Variants in SPOPL observed in about 807,000 individuals in gnomAD.
SPOPL encodes speckle type BTB/POZ protein like.
A neutral mutation model predicts 53.8 loss-of-function variants in SPOPL; 23 were observed. The ratio of observed to expected loss-of-function variants is 0.43; its 90% CI spans 0.31 to 0.61. SPOPL has a LOEUF of 0.61. Ranked by LOEUF, SPOPL falls within the 20% of genes least tolerant of loss-of-function variation. The pLI is 0.12. For synonymous variants in SPOPL, 164 were observed against 149.7 expected, an observed-to-expected ratio of 1.10 and a Z score of -0.70; for missense variants, 442 against 466.9, an observed-to-expected ratio of 0.95 and a Z score of 0.49.
chr2:138,521,083 T>C (rs1186601138), intron 1 of SPOPL, among the ~76,000 whole-genome samples: 1 of 152,192 alleles, frequency 6.6e-6, no homozygotes, highest in Non-Finnish European at 1.5e-5. Flanking sequence ...ATCTTTAATA[T>C]GTTATGCTAT....
intron 1 of SPOPL, among the ~76,000 whole-genome samples, chr2:138,529,546 G>A (rs939066248): frequency 4.6e-5 from 7 of 151,452 alleles, no homozygotes; most frequent in African/African-American, 1.2e-4. Context: ...TTGCGTGCGC[G>A]CGCGCTTCTG....
rs193283004 is a variant in SPOPL, at chr2:138,569,139, A to T, written c.*59A>T. 7.7e-4 allele frequency: 1,204 copies of T among 1,559,714 alleles called. No homozygotes were observed. The highest frequency in any genetic ancestry group is 9.4e-4 in the Non-Finnish European group (1,070 of 1,141,104). On this transcript the variant is annotated 3_prime_UTR_variant, in exon 11 of 11. Transcript: ENST00000280098. ...CTTTCACTCCTCCAGGTCCAGAAGG[A>T]TTCTAATACACAAACCATAAGCAAG...
chr2:138,566,923 T>A (rs1449875251), intron 10 of SPOPL, among the ~76,000 whole-genome samples: 1 of 152,222 alleles, frequency 6.6e-6, no homozygotes, highest in Non-Finnish European at 1.5e-5. Context: ...AAAACACAAA[T>A]AGGAGTTAGC....
In SPOPL at chr2:138,555,503, C is replaced by G. The variant is rs192764844; in HGVS notation, c.480+2822C>G. On this transcript the variant is annotated intron_variant, in intron 5 of 10. Coordinates refer to ENST00000280098, the MANE Select transcript of SPOPL (RefSeq NM_001001664.3). Reference sequence around the variant, plus strand: ...CACCAATCTATGAAAATCAAAAAGTCTAAAACTCGCTATTCTGGAAGATAT... The same window carrying G: ...CACCAATCTATGAAAATCAAAAAGTGTAAAACTCGCTATTCTGGAAGATAT... Among the ~76,000 whole-genome samples the G allele has an allele frequency of 4.4e-4, 67 of 152,100 alleles. 3 individuals carry two copies. In the East Asian group the frequency reaches 0.012, roughly 28 times the overall value.
chr2:138,568,906 T>C (rs1030001668), intron 10 of SPOPL, 30 bp from the exon 11 acceptor site: 4 of 1,610,446 alleles, frequency 2.5e-6, no homozygotes, highest in Non-Finnish European at 3.4e-6. Flanking sequence ...AAGTATTCTT[T>C]AGTAAATATC....
chr2:138,565,983 C>G (rs1478426164), intron 10 of SPOPL, among the ~76,000 whole-genome samples: 2 of 152,144 alleles, frequency 1.3e-5, no homozygotes, highest in African/African-American at 2.4e-5. Flanking sequence ...ATCCGCCTGT[C>G]TTGGCCTCCC....
chr2:138,562,974 C>T (rs1048392112), intron 8 of SPOPL, among the ~76,000 whole-genome samples: 8 of 151,906 alleles, frequency 5.3e-5, no homozygotes, highest in Non-Finnish European at 8.8e-5. Context: ...TTCTTTTCTT[C>T]GAAAGACAGA....
At position 138,571,908 on chromosome 2, in the gene SPOPL, A is replaced by G. The variant is rs1685790742; in HGVS notation, c.*2828A>G. ...TTGGAGCACAAATAATGAAGGTGCCATAATATGGCTTGCCAATGTTACCTC... is the reference window on the plus strand; with the variant it reads ...TTGGAGCACAAATAATGAAGGTGCCGTAATATGGCTTGCCAATGTTACCTC... On this transcript the variant is annotated 3_prime_UTR_variant, in exon 11 of 11. Coordinates refer to ENST00000280098, the MANE Select transcript of SPOPL (RefSeq NM_001001664.3). The G allele has an allele frequency of 6.6e-6, 1 of 152,644 alleles. No homozygotes were observed. Among genetic ancestry groups the G allele is most frequent in the Non-Finnish European group, 1.5e-5 (1 of 68,028 alleles). The allele number at this position is 152,644 out of a possible 1,614,324, so 9.5% of individuals were successfully genotyped here. A position where few individuals can be genotyped will look rare whatever the true frequency, so the allele number is the denominator to read the frequency against.
chr2:138,540,885 T>TA (rs1372200250), intron 1 of SPOPL, among the ~76,000 whole-genome samples: 1 of 152,218 alleles, frequency 6.6e-6, no homozygotes, highest in Non-Finnish European at 1.5e-5. Flanking sequence ...GGGTTTGTCA[T>TA]AGATAGCTCT....
At chr2:138,547,770 A>G (rs991579778) in intron 1 of SPOPL, among the ~76,000 whole-genome samples, 8 of 152,150 alleles carry the variant, frequency 5.3e-5, no homozygotes, top group African/African-American at 1.9e-4. Context: ...CCAAAGTGCA[A>G]CTCAGTGCCT....
At chr2:138,506,074 G>T (rs4432511) in intron 1 of SPOPL, among the ~76,000 whole-genome samples, 1,766 of 152,274 alleles carry the variant, frequency 0.012, 36 homozygotes, top group African/African-American at 0.04. Context: ...GCAATAGGAA[G>T]CCACCAGAGA....
chr2:138,550,169 A>G lies in SPOPL; in HGVS notation c.-48A>G. On this transcript the variant is annotated 5_prime_UTR_variant, in exon 2 of 11. Coordinates refer to ENST00000280098, the MANE Select transcript of SPOPL (RefSeq NM_001001664.3). ...CTTTCCTTTGTAGGTAAGGTACTCA[A>G]CTGTGTGGGGTACTACATAAATCCT... The G allele has an allele frequency of 6.4e-7, 1 of 1,569,322 alleles. No homozygotes were observed.
At chr2:138,508,205 A>G (rs1448194938) in intron 1 of SPOPL, among the ~76,000 whole-genome samples, 2 of 152,230 alleles carry the variant, frequency 1.3e-5, no homozygotes, top group East Asian at 1.9e-4. Context: ...CAATTTATCT[A>G]TAGACATGGA....
intron 1 of SPOPL, among the ~76,000 whole-genome samples, chr2:138,525,970 T>C (rs2104868563): frequency 6.6e-6 from 1 of 152,310 alleles, no homozygotes; most frequent in East Asian, 1.9e-4. Flanking sequence ...GTGATTTCTA[T>C]AATGTTCTAT....
In SPOPL at chr2:138,545,323, A is replaced by G. The variant is rs532785184; in HGVS notation, c.-60-4834A>G. ...GGCTGATGACTTGGGCGGACCACCA[A>G]ACTAGGGGAGGGAGCCGTAGTAAGC... On this transcript the variant is annotated intron_variant, in intron 1 of 10. Transcript: ENST00000280098. Among the ~76,000 whole-genome samples the G allele has an allele frequency of 2.2e-3, 340 of 152,264 alleles. 1 individual carries two copies. Among genetic ancestry groups the G allele is most frequent in the Non-Finnish European group, 3.3e-3 (225 of 68,010 alleles).
intron 1 of SPOPL, among the ~76,000 whole-genome samples, chr2:138,534,046 T>G (rs148845298): frequency 6.6e-6 from 1 of 152,300 alleles, no homozygotes; most frequent in East Asian, 1.9e-4. Context: ...TATATTTTAT[T>G]GGTCTAGAAG....
chr2:138,504,035 A>G (rs886501361), intron 1 of SPOPL, among the ~76,000 whole-genome samples: 1 of 152,156 alleles, frequency 6.6e-6, no homozygotes, highest in African/African-American at 2.4e-5. Flanking sequence ...ACTGTTGCTT[A>G]CTTATTACAT....
At chr2:138,566,075 A>T (rs1343782466) in intron 10 of SPOPL, among the ~76,000 whole-genome samples, 1 of 152,192 alleles carries the variant, frequency 6.6e-6, no homozygotes, top group Non-Finnish European at 1.5e-5. Context: ...TGTTGACTTA[A>T]TTATTTCCCA....
At chr2:138,504,044 A>G (rs1014768158) in intron 1 of SPOPL, among the ~76,000 whole-genome samples, 2 of 152,294 alleles carry the variant, frequency 1.3e-5, no homozygotes, top group South Asian at 2.1e-4. Flanking sequence ...TACTTATTAC[A>G]TTTTTAAAGG....
Sources: gnomAD v4.1 joint callset for allele counts (sites outside exome capture counted in the v4.1 genomes callset) on GRCh38, gnomAD v4.1.1 for gene constraint, MANE v1.5 for transcripts, NCBI Gene and HGNC (gene_info 2026-07-23, HGNC 2026-07-21) for gene names.